Variants in TENM4 observed in about 807,000 individuals in gnomAD.
TENM4 encodes the protein teneurin transmembrane protein 4, also known as teneurin-4.
Under a neutral mutation model 243.3 loss-of-function variants are expected in TENM4, and 82 were observed. The observed-to-expected ratio is 0.34, with a 90% CI of 0.28 to 0.40. The LOEUF is 0.40. Among genes scored for constraint, TENM4 ranks in the 10% least tolerant of loss-of-function variants. The pLI, the probability that TENM4 is intolerant of heterozygous loss-of-function variation, is 1.00. For missense variants in TENM4, 3,138 were observed against 3,673.3 expected (o/e 0.85, Z 3.77); for synonymous variants, 1,412 against 1,456.3 (o/e 0.97, Z 0.69).
chr11:78,967,388 C>CA (rs1347210231), intron 6 of TENM4, among the ~76,000 whole-genome samples: 2 of 152,128 alleles, frequency 1.3e-5, no homozygotes, highest in Non-Finnish European at 2.9e-5. Context: ...CTCAAGAGAG[C>CA]AGTGAGAAAT....
chr11:79,390,632 A>G (rs1277991586), intron 1 of TENM4, among the ~76,000 whole-genome samples: 2 of 152,136 alleles, frequency 1.3e-5, no homozygotes, highest in African/African-American at 2.4e-5. Flanking sequence ...CCTCCTCAAC[A>G]TGCTGGCATA....
intron 6 of TENM4, among the ~76,000 whole-genome samples, chr11:78,940,873 T>C (rs971942503): frequency 6.6e-6 from 1 of 152,226 alleles, no homozygotes; most frequent in African/African-American, 2.4e-5. Flanking sequence ...AGCTGCTTTC[T>C]CTTCTCTCCC....
intron 6 of TENM4, among the ~76,000 whole-genome samples, chr11:78,992,444 A>G (rs758146789): frequency 5.3e-5 from 8 of 152,210 alleles, no homozygotes; most frequent in Non-Finnish European, 8.8e-5. Flanking sequence ...TTCTCTGATT[A>G]CACTGTGCAT....
intron 27 of TENM4, among the ~76,000 whole-genome samples, chr11:78,703,770 C>A (rs1859163210): frequency 6.6e-6 from 1 of 151,990 alleles, no homozygotes; most frequent in African/African-American, 2.4e-5. Flanking sequence ...CCTTAGACTT[C>A]CTGAGCCCCC....
chr11:78,977,922 C>T (rs570544143), intron 6 of TENM4, among the ~76,000 whole-genome samples: 7 of 152,198 alleles, frequency 4.6e-5, no homozygotes, highest in South Asian at 2.1e-4. Flanking sequence ...TATTGCAGCA[C>T]GGTTCACAAT....
At chr11:79,080,039 AC>A (rs1464305673) in intron 4 of TENM4, among the ~76,000 whole-genome samples, 1 of 151,922 alleles carries the variant, frequency 6.6e-6, no homozygotes, top group Non-Finnish European at 1.5e-5. Flanking sequence ...CCTCAGCTCT[AC>A]TCCTTGGGGT....
At chr11:79,085,205 T>C (rs1178319229) in intron 4 of TENM4, among the ~76,000 whole-genome samples, 1 of 151,276 alleles carries the variant, frequency 6.6e-6, no homozygotes. Context: ...ACCCCCTCTT[T>C]ACTAAAAATA....
At chr11:79,324,941 G>A (rs1856949252) in intron 1 of TENM4, among the ~76,000 whole-genome samples, 1 of 152,170 alleles carries the variant, frequency 6.6e-6, no homozygotes, top group African/African-American at 2.4e-5. Flanking sequence ...CTCCCAAGAG[G>A]CAGGCCCCAC....
chr11:79,176,956 T>C (rs1303463705), intron 3 of TENM4, among the ~76,000 whole-genome samples: 5 of 152,120 alleles, frequency 3.3e-5, no homozygotes, highest in Non-Finnish European at 7.4e-5. Context: ...AAGGATAACA[T>C]TGCTTTTACC....
At chr11:79,179,545 T>C (rs1863241234) in intron 3 of TENM4, among the ~76,000 whole-genome samples, 1 of 151,980 alleles carries the variant, frequency 6.6e-6, no homozygotes, top group Non-Finnish European at 1.5e-5. Context: ...AAATTTGGGA[T>C]AAAATATTTG....
At chr11:78,760,689 T>TAA (rs1856411118) in intron 18 of TENM4, among the ~76,000 whole-genome samples, 1 of 152,210 alleles carries the variant, frequency 6.6e-6, no homozygotes, top group Non-Finnish European at 1.5e-5. Context: ...CAAAGTTTGG[T>TAA]TTTGAGCTCT....
intron 6 of TENM4, among the ~76,000 whole-genome samples, chr11:78,919,626 A>G (rs552510752): frequency 5.3e-5 from 8 of 152,214 alleles, no homozygotes; most frequent in African/African-American, 1.9e-4. Context: ...CCTGCCTGAG[A>G]ATAAGGCCAA....
chr11:79,280,708 C>T lies in TENM4; in HGVS notation c.-265+16780G>A, dbSNP rs191488152. Among the ~76,000 whole-genome samples, 67 of 152,284 alleles carry T rather than the reference C, an allele frequency of 4.4e-4. No homozygotes were observed. In the Middle Eastern group the frequency reaches 0.017, roughly 39 times the overall value. ...CTCCTGAAGCTCTTTTCTTGAGAGG[C>T]CCCTGGGTATGAAACATCATTAAGG... On this transcript the variant is annotated intron_variant, in intron 2 of 33. Transcript: ENST00000278550.
At chr11:78,865,560 A>C (rs1385579229) in intron 9 of TENM4, among the ~76,000 whole-genome samples, 1 of 152,138 alleles carries the variant, frequency 6.6e-6, no homozygotes, top group African/African-American at 2.4e-5. Context: ...ACCTGGCCCC[A>C]GTGTATGAAG....
chr11:79,280,541 G>A (rs919828446), intron 2 of TENM4, among the ~76,000 whole-genome samples: 3 of 152,200 alleles, frequency 2.0e-5, no homozygotes, highest in African/African-American at 7.2e-5. Context: ...GCGAGCCGGA[G>A]CACAGACTAT....
chr11:79,050,077 A>G (rs1212969310), intron 6 of TENM4, among the ~76,000 whole-genome samples: 1 of 152,174 alleles, frequency 6.6e-6, no homozygotes, highest in African/African-American at 2.4e-5. Context: ...GGCCACTGTC[A>G]GCATTTAAAG....
intron 4 of TENM4, among the ~76,000 whole-genome samples, chr11:79,139,777 A>ATATATATTATAT (rs1555016067): frequency 7.5e-5 from 2 of 26,796 alleles, no homozygotes; most frequent in East Asian, 7.3e-4. Context: ...ATAAATATAT[A>ATATATATTATAT]ATATATATTA....
chr11:79,313,875 A>C (rs1856761016), intron 1 of TENM4, among the ~76,000 whole-genome samples: 1 of 152,104 alleles, frequency 6.6e-6, no homozygotes, highest in Non-Finnish European at 1.5e-5. Flanking sequence ...GGCCATTTCC[A>C]GTTTCGATGT....
chr11:78,883,230 A>G (rs897608477), intron 9 of TENM4, among the ~76,000 whole-genome samples: 1 of 152,236 alleles, frequency 6.6e-6, no homozygotes, highest in Non-Finnish European at 1.5e-5. Context: ...CAGCCTTATG[A>G]AAGTAATACT....
Sources: allele counts gnomAD v4.1 joint callset (sites outside exome capture counted in the v4.1 genomes callset), GRCh38; gene constraint gnomAD v4.1.1; transcripts MANE v1.5; gene names NCBI Gene and HGNC (gene_info 2026-07-23, HGNC 2026-07-21).